SLC44A4: variants seen among roughly 807,000 people sequenced by gnomAD.
SLC44A4 encodes solute carrier family 44 member 4.
SLC44A4 carries 74 observed loss-of-function variants against 97.0 expected under a neutral mutation model. The observed-to-expected ratio is 0.76, with a 90% CI of 0.63 to 0.93. The LOEUF (loss-of-function observed/expected upper bound fraction) is 0.93. SLC44A4 is among the 40% of genes least tolerant of loss of function. The pLI is 0.00. For missense variants in SLC44A4, 799 were observed against 902.9 expected (o/e 0.88, Z 1.48); for synonymous variants, 325 against 363.8 (o/e 0.89, Z 1.21).
At position 31,870,582 on chromosome 6, in the gene SLC44A4, C is replaced by T. The variant is rs1338934318; in HGVS notation, c.1037+21G>A. The stretch of plus-strand genomic sequence containing the variant: ...GTCCACGCTGTCCTCAACCCCATCT[C>T]CCTCCCAGGCAGGCCCTAACTTGCT... On this transcript the variant is annotated intron_variant, in intron 11 of 20. Transcript: ENST00000229729. 2.6e-6 allele frequency: 4 copies of T among 1,566,932 alleles called. No individual in the cohort carries two copies. In the African/African-American group the frequency reaches 5.4e-5, roughly 21 times the overall value.
At position 31,865,908 on chromosome 6, in the gene SLC44A4, G is replaced by T. The variant is rs772363068; in HGVS notation, c.1452C>A (p.Thr484=). 1.2e-6 allele frequency: 2 copies of T among 1,614,228 alleles called. No homozygotes were observed. Among genetic ancestry groups the T allele is most frequent in the Non-Finnish European group, 1.7e-6 (2 of 1,180,038 alleles). ...GGATGAAGGCAGAGATTAAGGGGAA[G>T]GTAGGGATGTCCTGGGGCTTGTGGA... ...WAFHKPQDIP[T]FPLISAFIRT... The change falls in exon 14 of 21, where the codon ACC becomes ACA. Residue 484 remains threonine, a synonymous_variant. Coordinates refer to ENST00000229729, the MANE Select transcript of SLC44A4 (RefSeq NM_025257.3). This position sits in a 1 kb window ranked among gnomAD's most constrained non-coding sequence, Gnocchi z 5.2.
intron 11 of SLC44A4, 72 bp downstream of exon 11, chr6:31,870,531 C>A (rs1447940657): frequency 1.7e-5 from 22 of 1,266,570 alleles, no homozygotes; most frequent in Non-Finnish European, 2.0e-5. Flanking sequence ...CTCTCTAGCA[C>A]CCCCTAGGTC....
In SLC44A4 at chr6:31,877,739, G is replaced by T; in HGVS notation, c.41-657C>A. On this transcript the variant is annotated intron_variant, in intron 1 of 20. Coordinates refer to ENST00000229729, the MANE Select transcript of SLC44A4 (RefSeq NM_025257.3). The surrounding 1 kb of genome is among the most constrained non-coding windows in gnomAD (Gnocchi z 6.5). Reference sequence around the variant, plus strand: ...AGTGACACCTGAGCCCAGCCATAGAGATTGCAGGCACGTTGAGTTCCTGGT... The same window carrying T: ...AGTGACACCTGAGCCCAGCCATAGATATTGCAGGCACGTTGAGTTCCTGGT... The T allele has an allele frequency of 2.0e-6, 1 of 494,922 alleles. No homozygotes were observed. The highest frequency in any genetic ancestry group is 2.6e-6 in the Non-Finnish European group (1 of 381,626). 30.7% of individuals were successfully genotyped at this position (494,922 alleles called of 1,614,324 possible).
In SLC44A4 at chr6:31,874,232, T is replaced by G. The variant is rs1280396504; in HGVS notation, c.529+228A>C. Among the ~76,000 whole-genome samples the G allele has an allele frequency of 6.6e-6, 1 of 152,166 alleles. No homozygotes were observed. Among genetic ancestry groups the G allele is most frequent in the Non-Finnish European group, 1.5e-5 (1 of 68,026 alleles). ...GAATGTAGCTGAAGCAGGGAGCAGT[T>G]GTTATCCCTGCCTCTGTCCCCAGCA... On this transcript the variant is annotated intron_variant, in intron 7 of 20. Transcript: ENST00000229729. The surrounding 1 kb of genome is among the most constrained non-coding windows in gnomAD (Gnocchi z 4.8).
At chr6:31,870,576 C>T in intron 11 of SLC44A4, 27 bp downstream of exon 11, 2 of 1,556,304 alleles carry the variant, frequency 1.3e-6, no homozygotes, top group Non-Finnish European at 1.7e-6. Flanking sequence ...GTCCTCAACC[C>T]CATCTCCCTC....
intron 10 of SLC44A4, 40 bp downstream of exon 10, chr6:31,870,772 C>G: frequency 1.2e-6 from 2 of 1,612,324 alleles, no homozygotes; most frequent in Non-Finnish European, 1.7e-6. Context: ...CAGGGCGGTC[C>G]TTGGGCAGCT....
chr6:31,877,436 C>T lies in SLC44A4; in HGVS notation c.41-354G>A. 2.8e-6 allele frequency: 1 copy of T among 361,104 alleles called. No homozygotes were observed. Among genetic ancestry groups the T allele is most frequent in the Non-Finnish European group, 4.7e-6 (1 of 212,698 alleles). 22.4% of individuals were successfully genotyped at this position (361,104 alleles called of 1,614,324 possible). A position where few individuals can be genotyped will look rare whatever the true frequency, so the allele number is the denominator to read the frequency against. On this transcript the variant is annotated intron_variant, in intron 1 of 20. Coordinates refer to ENST00000229729, the MANE Select transcript of SLC44A4 (RefSeq NM_025257.3). This position sits in a 1 kb window ranked among gnomAD's most constrained non-coding sequence, Gnocchi z 6.5. Reference sequence around the variant, plus strand: ...CCCTTTAGCTGGGATGTGGGACTCCCAGTGGCTCTCACTCCCTCATTCTCA... The same window carrying T: ...CCCTTTAGCTGGGATGTGGGACTCCTAGTGGCTCTCACTCCCTCATTCTCA...
chr6:31,873,614 A>G (rs1323276070), intron 7 of SLC44A4, among the ~76,000 whole-genome samples: 1 of 150,698 alleles, frequency 6.6e-6, no homozygotes, highest in Non-Finnish European at 1.5e-5. Flanking sequence ...CCTGGGCAAC[A>G]TAGCAAGACT....
chr6:31,875,783 TG>T (rs1225341862), intron 4 of SLC44A4, 68 bp downstream of exon 4: 46 of 1,379,520 alleles, frequency 3.3e-5, no homozygotes, highest in South Asian at 3.9e-5. Flanking sequence ...GAGCCTGAGT[TG>T]GGGGGGTGTC....
At position 31,870,973 on chromosome 6, in the gene SLC44A4, A is replaced by G. The variant is rs545190120; in HGVS notation, c.776T>C (p.Leu259Pro). Residue 259 changes from leucine to proline, a missense_variant, in exon 10 of 21, where the codon CTG becomes CCG. By Grantham distance (98) the Leu-to-Pro change is moderately conservative. Coordinates refer to ENST00000229729, the MANE Select transcript of SLC44A4 (RefSeq NM_025257.3). Reference sequence around the variant, plus strand: ...GCCCAGCACTCCCAGGATCAGCACCAGCACCAGGGGCCCAGCCACCAGGCG... The same window carrying G: ...GCCCAGCACTCCCAGGATCAGCACCGGCACCAGGGGCCCAGCCACCAGGCG... The part of the protein sequence containing the change: ...LLRLVAGPLV[L>P]VLILGVLGVL... The G allele has an allele frequency of 6.2e-7, 1 of 1,613,000 alleles. No homozygotes were observed. The highest frequency in any genetic ancestry group is 1.3e-5 in the African/African-American group (1 of 75,010).
intron 7 of SLC44A4, among the ~76,000 whole-genome samples, chr6:31,872,951 C>T (rs1763254510): frequency 6.6e-6 from 1 of 152,074 alleles, no homozygotes; most frequent in Non-Finnish European, 1.5e-5. Flanking sequence ...CATCTCGGCT[C>T]ACCGTAAACT....
In SLC44A4 at chr6:31,869,188, C is replaced by A. The variant is rs746173709; in HGVS notation, c.1200G>T (p.Glu400Asp). Residue 400 changes from glutamate (E) to aspartate (D), a missense_variant, in exon 13 of 21, where the codon GAG becomes GAT. Around this residue, in one of 3 missense-constraint regions of SLC44A4, gnomAD observed 379 missense variants for 438.3 expected, o/e 0.86. Coordinates refer to ENST00000229729, the MANE Select transcript of SLC44A4 (RefSeq NM_025257.3). ...WASNISSPGCEKVPINTSCNP... is the reference protein window; with the variant it reads ...WASNISSPGCDKVPINTSCNP... ...TGCATGATGTATTTATTGGCACTTT[C>A]TCACAGCCGGGGGAGCTGATGTTGG... 1 of 1,610,738 alleles carries A rather than the reference C, an allele frequency of 6.2e-7. No homozygotes were observed. Among genetic ancestry groups the A allele is most frequent in the Non-Finnish European group, 8.5e-7 (1 of 1,178,992 alleles).
chr6:31,869,336 C>T (rs1763026144), intron 12 of SLC44A4, 79 bp from the exon 13 acceptor site: 2 of 1,167,208 alleles, frequency 1.7e-6, no homozygotes, highest in Non-Finnish European at 2.5e-6. Flanking sequence ...TTCCTAGGTG[C>T]TTGTGCAGAT....
In SLC44A4 at chr6:31,865,586, A is replaced by C. The variant is rs1337923212; in HGVS notation, c.1598T>G (p.Val533Gly). 1.4e-5 allele frequency: 22 copies of C among 1,602,850 alleles called. No homozygotes were observed. Among genetic ancestry groups the C allele is most frequent in the Non-Finnish European group, 1.8e-5 (21 of 1,172,102 alleles). ...DHKLRGVQNP[V>G]ARCIMCCFKC... ...GAAACAGCACATGATGCAGCGGGCT[A>C]CAGGGTTCTGCACTCCTGGGAGCGA... The change falls in exon 16 of 21, where the codon GTA (valine) becomes GGA (glycine). Residue 533 changes from valine to glycine, a missense_variant. By Grantham distance (109) the Val-to-Gly change is moderately radical. Around this residue, in one of 3 missense-constraint regions of SLC44A4, gnomAD observed 379 missense variants for 438.3 expected, o/e 0.86. Coordinates refer to ENST00000229729, the MANE Select transcript of SLC44A4 (RefSeq NM_025257.3). This position sits in a 1 kb window ranked among gnomAD's most constrained non-coding sequence, Gnocchi z 5.2.
At position 31,865,720 on chromosome 6, in the gene SLC44A4, T is replaced by A; in HGVS notation, c.1552A>T (p.Ile518Phe). Residue 518 changes from isoleucine (I) to phenylalanine (F), a missense_variant, in exon 15 of 21, where the codon ATC (isoleucine) becomes TTC (phenylalanine). Transcript: ENST00000229729. This position sits in a 1 kb window ranked among gnomAD's most constrained non-coding sequence, Gnocchi z 5.2. ...AGCTTGTGGTCAATATACTCCAAGA[T>A]GACCCGGGCTATCTGCACAAGGGTC... ...ILTLVQIARV[I>F]LEYIDHKLRG... 1 of 1,613,498 alleles carries A rather than the reference T, an allele frequency of 6.2e-7. No homozygotes were observed.
At position 31,874,890 on chromosome 6, in the gene SLC44A4, G is replaced by T; in HGVS notation, c.342+39C>A. 6.2e-7 allele frequency: 1 copy of T among 1,613,666 alleles called. No individual in the cohort carries two copies. The highest frequency in any genetic ancestry group is 8.5e-7 in the Non-Finnish European group (1 of 1,179,750). ...CTAAGGGGCTGGAACCTGAGACCCT[G>T]GGTGAGATCTGGGGTAGAGGCAGGT... On this transcript the variant is annotated intron_variant, in intron 5 of 20. Transcript: ENST00000229729. This position sits in a 1 kb window ranked among gnomAD's most constrained non-coding sequence, Gnocchi z 4.8.
rs1366771579 is a variant in SLC44A4, at chr6:31,874,956, C to T, written c.315G>A (p.Glu105=). 6.2e-7 allele frequency: 1 copy of T among 1,613,582 alleles called. No homozygotes were observed. Among genetic ancestry groups the T allele is most frequent in the Non-Finnish European group, 8.5e-7 (1 of 1,180,012 alleles). Residue 105 remains glutamate, a synonymous_variant, in exon 5 of 21, where the codon GAG becomes GAA. Transcript: ENST00000229729. The surrounding 1 kb of genome is among the most constrained non-coding windows in gnomAD (Gnocchi z 4.8). The part of the protein sequence containing the change: ...ILSSNIISVA[E]NGLQCPTPQV... ...GGGGTGTGGGGCACTGTAGGCCGTT[C>T]TCAGCAACTGAGATGATGTTGCTGG...
chr6:31,874,657 C>T lies in SLC44A4; in HGVS notation c.468+64G>A, dbSNP rs1429058637. On this transcript the variant is annotated intron_variant, in intron 6 of 20. Transcript: ENST00000229729. The surrounding 1 kb of genome is among the most constrained non-coding windows in gnomAD (Gnocchi z 4.8). ...CCTGGTGATGATCTACCCAACTCCCCCTCCCTCTCGTGCCCACCCTGGCCC... is the reference window on the plus strand; with the variant it reads ...CCTGGTGATGATCTACCCAACTCCCTCTCCCTCTCGTGCCCACCCTGGCCC... 10 of 1,566,144 alleles carry T rather than the reference C, an allele frequency of 6.4e-6. No individual in the cohort carries two copies. Among genetic ancestry groups the T allele is most frequent in the African/African-American group, 1.4e-5 (1 of 73,734 alleles).
Position 31,870,687 on chromosome 6 carries a change from ACCG to A in SLC44A4, c.950_952del (p.Ala317del). 6.2e-7 allele frequency: 1 copy of A among 1,611,448 alleles called. No homozygotes were observed. Among genetic ancestry groups the A allele is most frequent in the East Asian group, 2.2e-5 (1 of 44,776 alleles). Reference sequence around the variant, plus strand: ...CATCAGCAGCAGGATGGCTTCAAGCACCGCCAACACGATCACTGCAGAGGACGG... The same window carrying A: ...CATCAGCAGCAGGATGGCTTCAAGCACCAACACGATCACTGCAGAGGACGG... On this transcript the variant is annotated inframe_deletion, in exon 11 of 21. Transcript: ENST00000229729.
Sources: allele counts gnomAD v4.1 joint callset (sites outside exome capture counted in the v4.1 genomes callset), GRCh38; gene constraint gnomAD v4.1.1; regional missense constraint gnomAD v4.1.1; non-coding constraint Gnocchi (gnomAD v3.1); transcripts MANE v1.5; gene names NCBI Gene and HGNC (gene_info 2026-07-23, HGNC 2026-07-21).